Variants in GPM6A observed in about 807,000 individuals in gnomAD.
GPM6A encodes glycoprotein M6A.
Under a neutral mutation model 32.1 loss-of-function variants are expected in GPM6A, and 7 were observed. That is an observed-to-expected ratio of 0.22 (90% CI 0.12 to 0.41). The LOEUF is 0.41. GPM6A is among the 10% of genes least tolerant of loss of function. The probability of loss-of-function intolerance (pLI) is 1.00; values close to 1 mark genes in which losing one functional copy is unlikely to be tolerated. For synonymous variants in GPM6A, 130 were observed against 123.4 expected (o/e 1.05, Z -0.35); for missense variants, 235 against 347.2 (o/e 0.68, Z 2.57).
chr4:175,938,440 C>T (rs562231362), intron 1 of GPM6A, among the ~76,000 whole-genome samples: 1 of 152,154 alleles, frequency 6.6e-6, no homozygotes, highest in Non-Finnish European at 1.5e-5. Context: ...TTAATGATCG[C>T]CATTCTAACT....
At chr4:175,978,271 T>C (rs943120095) in intron 1 of GPM6A, among the ~76,000 whole-genome samples, 1 of 152,104 alleles carries the variant, frequency 6.6e-6, no homozygotes, top group Admixed American at 6.5e-5. Context: ...AGAGAAGTAA[T>C]AGAAGGGAGA....
chr4:175,780,770 T>A (rs1733585646), intron 1 of GPM6A, among the ~76,000 whole-genome samples: 1 of 152,180 alleles, frequency 6.6e-6, no homozygotes, highest in Middle Eastern at 3.2e-3. Context: ...AGAAAACTAA[T>A]TTAACAATCA....
chr4:175,924,375 A>T (rs1738763708), intron 1 of GPM6A, among the ~76,000 whole-genome samples: 2 of 152,186 alleles, frequency 1.3e-5, no homozygotes, highest in African/African-American at 4.8e-5. Flanking sequence ...TTCCGACCAC[A>T]CATTGTAACC....
chr4:175,983,813 T>A (rs565045023), intron 1 of GPM6A, among the ~76,000 whole-genome samples: 27 of 152,302 alleles, frequency 1.8e-4, no homozygotes, highest in African/African-American at 6.5e-4. Context: ...TGATTTTCGT[T>A]ATTCTTTCTT....
At chr4:175,940,323 T>G (rs1434616053) in intron 1 of GPM6A, among the ~76,000 whole-genome samples, 1 of 152,132 alleles carries the variant, frequency 6.6e-6, no homozygotes, top group Admixed American at 6.6e-5. Flanking sequence ...GTTTGGGAAG[T>G]GTTATACTGT....
At chr4:175,721,473 C>A (rs1746130530) in intron 1 of GPM6A, among the ~76,000 whole-genome samples, 1 of 149,982 alleles carries the variant, frequency 6.7e-6, no homozygotes, top group African/African-American at 2.4e-5. Context: ...GAGACTCCGT[C>A]TCAAGAAAAA....
chr4:175,984,392 G>T (rs114154308), intron 1 of GPM6A, among the ~76,000 whole-genome samples: 28 of 151,892 alleles, frequency 1.8e-4, no homozygotes, highest in Non-Finnish European at 3.5e-4. Flanking sequence ...CTTGATCTCC[G>T]GACCTTGTGA....
chr4:175,738,058 C>G (rs1406325414), intron 1 of GPM6A, among the ~76,000 whole-genome samples: 1 of 152,070 alleles, frequency 6.6e-6, no homozygotes, highest in Non-Finnish European at 1.5e-5. Context: ...CTGCCTCAGC[C>G]TCCCGAATAG....
intron 1 of GPM6A, among the ~76,000 whole-genome samples, chr4:176,001,317 G>A (rs1207946170): frequency 6.6e-6 from 1 of 152,208 alleles, no homozygotes; most frequent in Non-Finnish European, 1.5e-5. Context: ...GGTTGGAAGA[G>A]TAACTCGGGC....
chr4:175,907,746 T>A (rs971205218), intron 1 of GPM6A, among the ~76,000 whole-genome samples: 12 of 152,128 alleles, frequency 7.9e-5, no homozygotes, highest in Non-Finnish European at 1.8e-4. Context: ...TACTATTAGA[T>A]CACACTTTAT....
chr4:175,878,365 T>A (rs1253626261), intron 1 of GPM6A, among the ~76,000 whole-genome samples: 2 of 152,112 alleles, frequency 1.3e-5, no homozygotes, highest in Non-Finnish European at 2.9e-5. Context: ...TCTCTGTGAG[T>A]GCCCCACCCC....
chr4:175,722,954 T>C (rs891022406), intron 1 of GPM6A, among the ~76,000 whole-genome samples: 1 of 150,220 alleles, frequency 6.7e-6, no homozygotes, highest in Non-Finnish European at 1.5e-5. Flanking sequence ...AAAGCTCAAG[T>C]GGGAAGATTA....
intron 1 of GPM6A, among the ~76,000 whole-genome samples, chr4:175,780,558 C>T (rs987060798): frequency 1.3e-5 from 2 of 152,200 alleles, no homozygotes; most frequent in African/African-American, 4.8e-5. Context: ...CAGTGCGTCA[C>T]ATTCAACACA....
chr4:175,851,507 G>A (rs1023101070), intron 1 of GPM6A, among the ~76,000 whole-genome samples: 1 of 151,120 alleles, frequency 6.6e-6, no homozygotes, highest in African/African-American at 2.4e-5. Flanking sequence ...AAAAAAGACT[G>A]TAGTCTCCAA....
intron 1 of GPM6A, among the ~76,000 whole-genome samples, chr4:175,817,320 C>A (rs1359779958): frequency 1.3e-5 from 2 of 152,192 alleles, no homozygotes; most frequent in African/African-American, 4.8e-5. Flanking sequence ...CATTTCCTTT[C>A]ATTCTGAATT....
chr4:175,690,720 G>T (rs1234557498), intron 2 of GPM6A, among the ~76,000 whole-genome samples: 1 of 152,126 alleles, frequency 6.6e-6, no homozygotes, highest in Non-Finnish European at 1.5e-5. Flanking sequence ...GGGGATTTGG[G>T]GCTCATCCAG....
chr4:175,640,858 C>A, intron 4 of GPM6A, 29 bp from the exon 5 acceptor site: 1 of 1,439,754 alleles, frequency 6.9e-7, no homozygotes, highest in Non-Finnish European at 9.8e-7. Context: ...GACAGTTTAG[C>A]AGTATAAATG....
chr4:176,000,941 C>CTT (rs1741457372), intron 1 of GPM6A, among the ~76,000 whole-genome samples: 1 of 152,180 alleles, frequency 6.6e-6, no homozygotes, highest in Admixed American at 6.5e-5. Context: ...GACAGTCCTT[C>CTT]TTAAGACCAT....
chr4:175,795,871 G>A (rs982632701), intron 1 of GPM6A: 5 of 152,392 alleles, frequency 3.3e-5, no homozygotes, highest in South Asian at 2.1e-4. Context: ...ACCATGGCAT[G>A]AGGCAGCCCT....
Sources: allele counts gnomAD v4.1 joint callset (sites outside exome capture counted in the v4.1 genomes callset), GRCh38; gene constraint gnomAD v4.1.1; transcripts MANE v1.5; gene names NCBI Gene and HGNC (gene_info 2026-07-23, HGNC 2026-07-21).